SNTB2: variants seen among roughly 807,000 people sequenced by gnomAD.
The protein encoded by SNTB2 is beta-2-syntrophin.
SNTB2 carries 34 observed loss-of-function variants against 46.2 expected under a neutral mutation model. The observed-to-expected ratio is 0.74, with a 90% CI of 0.56 to 0.98. SNTB2 has a LOEUF of 0.98. SNTB2 is among the 50% of genes least tolerant of loss of function. SNTB2 has a pLI of 0.00. For synonymous variants in SNTB2, 290 were observed against 312.6 expected, an observed-to-expected ratio of 0.93 and a Z score of 0.76; for missense variants, 603 against 731.4, an observed-to-expected ratio of 0.82 and a Z score of 2.02.
chr16:69,285,648 TA>T (rs921872361), intron 5 of SNTB2, among the ~76,000 whole-genome samples: 4 of 147,796 alleles, frequency 2.7e-5, no homozygotes, highest in Admixed American at 6.8e-5. Context: ...CCCAGCTAAT[TA>T]AAAAAAAAAT....
intron 4 of SNTB2, among the ~76,000 whole-genome samples, chr16:69,282,520 A>C (rs1965059899): frequency 6.6e-6 from 1 of 152,146 alleles, no homozygotes; most frequent in Non-Finnish European, 1.5e-5. Context: ...GAGTGGTGCC[A>C]GTATACAGAT....
chr16:69,289,766 TA>T (rs1965142510), intron 5 of SNTB2, among the ~76,000 whole-genome samples: 1 of 151,626 alleles, frequency 6.6e-6, no homozygotes, highest in Non-Finnish European at 1.5e-5. Flanking sequence ...TACAAAAAAT[TA>T]AAAAATTACC....
chr16:69,288,442 T>A (rs1043998809), intron 5 of SNTB2, among the ~76,000 whole-genome samples: 1 of 152,188 alleles, frequency 6.6e-6, no homozygotes, highest in African/African-American at 2.4e-5. Flanking sequence ...CACAGCTGTA[T>A]TTTTTTAAAT....
rs1411782094 is a variant in SNTB2, at chr16:69,304,455, C to T, written c.*3531C>T. On this transcript the variant is annotated 3_prime_UTR_variant, in exon 7 of 7. Coordinates refer to ENST00000336278, the MANE Select transcript of SNTB2 (RefSeq NM_006750.4). ...CCTGTTTTTATGTTCTGTACTCTCACAAACTTTGTTACTCAAAATTATTGC... is the reference window on the plus strand; with the variant it reads ...CCTGTTTTTATGTTCTGTACTCTCATAAACTTTGTTACTCAAAATTATTGC... 2 of 152,620 alleles carry T rather than the reference C, an allele frequency of 1.3e-5. No individual in the cohort carries two copies. The highest frequency in any genetic ancestry group is 4.8e-5 in the African/African-American group (2 of 41,454). 9.5% of individuals were successfully genotyped at this position (152,620 alleles called of 1,614,324 possible).
intron 4 of SNTB2, among the ~76,000 whole-genome samples, chr16:69,282,103 C>T (rs1965054685): frequency 6.7e-6 from 1 of 149,568 alleles, no homozygotes; most frequent in Non-Finnish European, 1.5e-5. Flanking sequence ...CGGGGTTTTA[C>T]CATGTGGGCT....
chr16:69,267,297 G>A (rs1385155640), intron 3 of SNTB2, among the ~76,000 whole-genome samples: 13 of 152,176 alleles, frequency 8.5e-5, no homozygotes, highest in African/African-American at 2.9e-4. Context: ...GATTACAGGC[G>A]TGAGCTACCA....
chr16:69,192,505 G>A (rs895714628), intron 1 of SNTB2, among the ~76,000 whole-genome samples: 4 of 152,098 alleles, frequency 2.6e-5, no homozygotes, highest in African/African-American at 9.7e-5. Flanking sequence ...TGGGGTTTGC[G>A]AAGAAAAATT....
chr16:69,228,890 A>G (rs537358821), intron 1 of SNTB2, among the ~76,000 whole-genome samples: 1 of 152,316 alleles, frequency 6.6e-6, no homozygotes, highest in African/African-American at 2.4e-5. Flanking sequence ...CAAACCTCCC[A>G]ACAAATAAAC....
chr16:69,230,749 T>TTC (rs1228567099), intron 1 of SNTB2, among the ~76,000 whole-genome samples: 1 of 145,704 alleles, frequency 6.9e-6, no homozygotes, highest in Non-Finnish European at 1.5e-5. Context: ...GTTTCTTTCT[T>TTC]TTTTTTTTTT....
At chr16:69,262,985 C>T (rs994773801) in intron 3 of SNTB2, among the ~76,000 whole-genome samples, 6 of 152,018 alleles carry the variant, frequency 3.9e-5, no homozygotes, top group Non-Finnish European at 7.4e-5. Flanking sequence ...AGTCACCATA[C>T]TATGCAAAAG....
Position 69,306,461 on chromosome 16 carries a change from A to G in SNTB2, c.*5537A>G, listed in dbSNP as rs151298841. The G allele has an allele frequency of 1.3e-5, 2 of 152,386 alleles. No individual in the cohort carries two copies. Among genetic ancestry groups the G allele is most frequent in the African/African-American group, 4.8e-5 (2 of 41,602 alleles). 9.4% of individuals were successfully genotyped at this position (152,386 alleles called of 1,614,324 possible). On this transcript the variant is annotated 3_prime_UTR_variant, in exon 7 of 7. Transcript: ENST00000336278. ...GGATCCACATTTAATGTAAGGCATA[A>G]ATATGCCTTTTGCAAATTATTGCTT...
At chr16:69,191,221 TA>T (rs60528445) in intron 1 of SNTB2, 339 of 128,394 alleles carry the variant, frequency 2.6e-3, no homozygotes, top group Middle Eastern at 7.9e-3. Flanking sequence ...TGACTAGCTT[TA>T]AAAAAAAAAA....
intron 5 of SNTB2, among the ~76,000 whole-genome samples, chr16:69,286,343 G>A (rs1965101948): frequency 6.6e-6 from 1 of 152,094 alleles, no homozygotes; most frequent in African/African-American, 2.4e-5. Flanking sequence ...TTGAGGCCAG[G>A]AGTTTTAAGA....
At chr16:69,270,375 C>T (rs775160281) in intron 4 of SNTB2, 90 bp downstream of exon 4, 2 of 1,489,334 alleles carry the variant, frequency 1.3e-6, no homozygotes, top group Non-Finnish European at 1.8e-6. Context: ...ATCTTAGGTG[C>T]CTAAAAGAGC....
chr16:69,203,790 G>A (rs542684545), intron 1 of SNTB2, among the ~76,000 whole-genome samples: 4 of 151,668 alleles, frequency 2.6e-5, no homozygotes, highest in Admixed American at 2.0e-4. Context: ...TTTTTGAGGC[G>A]GAGTTTCACT....
chr16:69,300,919 G>A lies in SNTB2; in HGVS notation c.1618G>A (p.Val540Ile), dbSNP rs1350244334. 6.9e-6 allele frequency: 11 copies of A among 1,600,424 alleles called. No homozygotes were observed. Among genetic ancestry groups the A allele is most frequent in the East Asian group, 2.2e-5 (1 of 44,758 alleles). Reference protein sequence around the residue: ...SAKVTRMGLLV With the variant: ...SAKVTRMGLLI ...CAAAGTCACTCGTATGGGACTGCTT[G>A]TATGAGCAACAAAAAATCAGAAAAG... The change falls in exon 7 of 7, where the codon GTA becomes ATA. Residue 540 changes from valine to isoleucine, a missense_variant. Around this residue, in one of 2 missense-constraint regions of SNTB2, gnomAD observed 537 missense variants for 692.4 expected, o/e 0.78. Transcript: ENST00000336278.
chr16:69,269,094 G>A (rs1376828150), intron 3 of SNTB2, among the ~76,000 whole-genome samples: 7 of 148,452 alleles, frequency 4.7e-5, no homozygotes, highest in East Asian at 4.1e-4. Flanking sequence ...ACTTGAACCC[G>A]GGAGGCTGAG....
intron 1 of SNTB2, among the ~76,000 whole-genome samples, chr16:69,201,738 AAG>A (rs1964163153): frequency 6.6e-6 from 1 of 152,202 alleles, no homozygotes; most frequent in African/African-American, 2.4e-5. Context: ...TGTCAGAAAA[AAG>A]AGTTTGAATA....
At chr16:69,250,667 C>T (rs533397343) in intron 2 of SNTB2, among the ~76,000 whole-genome samples, 4 of 152,074 alleles carry the variant, frequency 2.6e-5, no homozygotes, top group East Asian at 3.9e-4. Context: ...GAGACTGAGA[C>T]GGGCAGATCA....
Sources: allele counts gnomAD v4.1 joint callset (sites outside exome capture counted in the v4.1 genomes callset), GRCh38; gene constraint gnomAD v4.1.1; regional missense constraint gnomAD v4.1.1; transcripts MANE v1.5; gene names NCBI Gene and HGNC (gene_info 2026-07-23, HGNC 2026-07-21).